Variants in SLC44A5 observed in about 807,000 individuals in gnomAD.
SLC44A5 encodes choline transporter-like protein 5.
In SLC44A5, 57 loss-of-function variants were observed where a neutral mutation model predicts 101.8. The ratio of observed to expected loss-of-function variants is 0.56; its 90% CI spans 0.45 to 0.70. The LOEUF (loss-of-function observed/expected upper bound fraction) is 0.70, where lower values mean the gene tolerates loss of function less well. Ranked by LOEUF, SLC44A5 falls within the 30% of genes least tolerant of loss-of-function variation. SLC44A5 has a pLI of 0.00. For synonymous variants in SLC44A5, 281 were observed against 290.9 expected (o/e 0.97, Z 0.35); for missense variants, 737 against 853.1 (o/e 0.86, Z 1.70).
intron 2 of SLC44A5, among the ~76,000 whole-genome samples, chr1:75,405,741 A>G (rs969747444): frequency 2.0e-5 from 3 of 152,194 alleles, no homozygotes; most frequent in Admixed American, 1.3e-4. Context: ...CCAAGTGCCC[A>G]CAGGAGAAAG....
chr1:75,458,178 TAGAA>T lies in SLC44A5; in HGVS notation c.14-61561_14-61558del, dbSNP rs1390093072. Among the ~76,000 whole-genome samples, 3 of 152,304 alleles carry T rather than the reference TAGAA, an allele frequency of 2.0e-5. No individual in the cohort carries two copies. The East Asian group carries it at 5.8e-4, about 29-fold the overall frequency. On this transcript the variant is annotated intron_variant, in intron 2 of 23. Coordinates refer to ENST00000370859, the MANE Select transcript of SLC44A5 (RefSeq NM_001130058.2). Reference sequence around the variant, plus strand: ...AACCAGAGGATGGTGAAACAGAAGTTAGAAAAAGTATTTCCAGTAAATATTTTTA... The same window carrying T: ...AACCAGAGGATGGTGAAACAGAAGTTAAAGTATTTCCAGTAAATATTTTTA...
intron 1 of SLC44A5, among the ~76,000 whole-genome samples, chr1:75,573,610 G>T (rs1217589484): frequency 6.6e-6 from 1 of 152,110 alleles, no homozygotes; most frequent in Non-Finnish European, 1.5e-5. Flanking sequence ...AACCGTTGCT[G>T]GGTATCGTCC....
intron 3 of SLC44A5, among the ~76,000 whole-genome samples, chr1:75,368,361 A>G (rs909804336): frequency 6.6e-6 from 1 of 152,216 alleles, no homozygotes; most frequent in African/African-American, 2.4e-5. Context: ...TGCAAAACGC[A>G]TGAATACAAA....
At chr1:75,290,713 C>T (rs763059008) in intron 5 of SLC44A5, among the ~76,000 whole-genome samples, 15 of 152,010 alleles carry the variant, frequency 9.9e-5, no homozygotes, top group Non-Finnish European at 2.2e-4. Context: ...TCCCAGGGGA[C>T]AGAGCAGGAT....
At chr1:75,630,679 A>G in the SLC44A5 span, among the ~76,000 whole-genome samples, 1 of 152,138 alleles carries the variant, frequency 6.6e-6, no homozygotes, top group Non-Finnish European at 1.5e-5. Flanking sequence ...TGGCTTCTAC[A>G]GAAGGTTGTT....
intron 1 of SLC44A5, among the ~76,000 whole-genome samples, chr1:75,597,069 TC>T (rs1325189013): frequency 3.3e-5 from 5 of 151,710 alleles, no homozygotes; most frequent in African/African-American, 1.2e-4. Flanking sequence ...TTGCCTGTAG[TC>T]CCAGCTACTT....
the SLC44A5 span, among the ~76,000 whole-genome samples, chr1:75,702,202 T>G: frequency 6.6e-6 from 1 of 152,270 alleles, no homozygotes; most frequent in Admixed American, 6.5e-5. Context: ...CATTGCCAAG[T>G]CAATCCTCAG....
intron 2 of SLC44A5, among the ~76,000 whole-genome samples, chr1:75,510,930 T>C (rs1339686345): frequency 2.6e-5 from 4 of 152,118 alleles, no homozygotes; most frequent in African/African-American, 9.6e-5. Context: ...ATGACGAGGT[T>C]AGGAGATCGA....
At chr1:75,332,858 A>T (rs1159717908) in intron 4 of SLC44A5, among the ~76,000 whole-genome samples, 1 of 152,230 alleles carries the variant, frequency 6.6e-6, no homozygotes, top group African/African-American at 2.4e-5. Context: ...ACACATTCTT[A>T]TAAATTCTAA....
intron 2 of SLC44A5, among the ~76,000 whole-genome samples, chr1:75,444,471 AAGAGAAAG>A (rs1460018675): frequency 7.7e-5 from 9 of 116,284 alleles, no homozygotes; most frequent in African/African-American, 2.4e-4. Flanking sequence ...GAAAAAAAGA[AAGAGAAAG>A]AAAGAAGAAA....
intron 2 of SLC44A5, among the ~76,000 whole-genome samples, chr1:75,515,651 C>A (rs965170046): frequency 3.3e-5 from 5 of 152,070 alleles, no homozygotes; most frequent in Non-Finnish European, 7.4e-5. Flanking sequence ...TTTTTTAATC[C>A]ATTCATCTGT....
intron 18 of SLC44A5, 47 bp from the exon 19 acceptor site, chr1:75,215,904 C>T (rs1453812712): frequency 9.9e-7 from 1 of 1,007,516 alleles, no homozygotes; most frequent in Non-Finnish European, 1.5e-6. Context: ...GCAGCTGAAC[C>T]TTATCAGTCA....
At chr1:75,463,735 G>A (rs1417277354) in intron 2 of SLC44A5, among the ~76,000 whole-genome samples, 1 of 152,096 alleles carries the variant, frequency 6.6e-6, no homozygotes, top group African/African-American at 2.4e-5. Flanking sequence ...AGAAAGAAAG[G>A]AATGTTAATT....
At chr1:75,669,727 C>A in the SLC44A5 span, among the ~76,000 whole-genome samples, 1 of 151,958 alleles carries the variant, frequency 6.6e-6, no homozygotes. Flanking sequence ...CAAAAAAAAA[C>A]ACCAGACACA....
chr1:75,349,304 A>G (rs892518449), intron 3 of SLC44A5, among the ~76,000 whole-genome samples: 1 of 152,196 alleles, frequency 6.6e-6, no homozygotes. Context: ...GTGCCACTGC[A>G]CTCCAGCCTG....
At chr1:75,669,889 C>T in the SLC44A5 span, among the ~76,000 whole-genome samples, 1 of 152,194 alleles carries the variant, frequency 6.6e-6, no homozygotes, top group Non-Finnish European at 1.5e-5. Flanking sequence ...TTTCTGCCAA[C>T]ACTTCAGTAA....
At chr1:75,634,707 A>C in the SLC44A5 span, among the ~76,000 whole-genome samples, 6 of 151,476 alleles carry the variant, frequency 4.0e-5, no homozygotes, top group African/African-American at 1.5e-4. Flanking sequence ...AACCATAAAA[A>C]CCCTAGAAGA....
chr1:75,403,800 G>C (rs1570158619), intron 2 of SLC44A5, among the ~76,000 whole-genome samples: 1 of 151,992 alleles, frequency 6.6e-6, no homozygotes, highest in Non-Finnish European at 1.5e-5. Flanking sequence ...TCCTCCACAG[G>C]ATCACAACTC....
At chr1:75,259,310 A>C (rs1449069146) in intron 6 of SLC44A5, among the ~76,000 whole-genome samples, 1 of 152,210 alleles carries the variant, frequency 6.6e-6, no homozygotes, top group Non-Finnish European at 1.5e-5. Flanking sequence ...GCTAACTTTA[A>C]TAACCAGTAT....
Sources: allele counts gnomAD v4.1 joint callset (sites outside exome capture counted in the v4.1 genomes callset), GRCh38; gene constraint gnomAD v4.1.1; transcripts MANE v1.5; gene names NCBI Gene and HGNC (gene_info 2026-07-23, HGNC 2026-07-21).